Variants in TCEA1 observed in about 807,000 individuals in gnomAD.
TCEA1 encodes transcription elongation factor A1.
In TCEA1, 21 loss-of-function variants were observed where a neutral mutation model predicts 43.8. The ratio of observed to expected loss-of-function variants is 0.48; its 90% CI spans 0.34 to 0.69. TCEA1 has a LOEUF of 0.69. TCEA1 is among the 30% of genes least tolerant of loss of function. The pLI is 0.01. For missense variants in TCEA1, 250 were observed against 365.1 expected (o/e 0.68, Z 2.57); for synonymous variants, 104 against 117.5 (o/e 0.88, Z 0.75).
chr8:54,004,781 T>TA (rs1804386226), intron 2 of TCEA1, among the ~76,000 whole-genome samples: 1 of 131,662 alleles, frequency 7.6e-6, no homozygotes, highest in African/African-American at 3.4e-5. Flanking sequence ...ATAATACTGT[T>TA]TAAAAAAAAA....
At chr8:54,012,094 G>A (rs1012830862) in intron 1 of TCEA1, among the ~76,000 whole-genome samples, 4 of 152,174 alleles carry the variant, frequency 2.6e-5, no homozygotes, top group African/African-American at 9.7e-5. Flanking sequence ...ACATTGTTGT[G>A]AGTAAATGAA....
At chr8:54,016,922 C>T (rs1246785701) in intron 1 of TCEA1, among the ~76,000 whole-genome samples, 2 of 143,330 alleles carry the variant, frequency 1.4e-5, no homozygotes, top group Non-Finnish European at 3.0e-5. Context: ...TGCAGTGAGC[C>T]GAGATCGCGC....
intron 3 of TCEA1, among the ~76,000 whole-genome samples, chr8:53,999,203 C>A (rs1210040387): frequency 1.7e-5 from 2 of 114,464 alleles, no homozygotes; most frequent in Admixed American, 1.2e-4. Context: ...CCAGCCTGGG[C>A]AACAGAGTGA....
At chr8:54,013,291 C>T (rs1046772873) in intron 1 of TCEA1, among the ~76,000 whole-genome samples, 3 of 152,186 alleles carry the variant, frequency 2.0e-5, no homozygotes, top group African/African-American at 7.2e-5. Flanking sequence ...GTAACACTCA[C>T]GGAATAAAAC....
chr8:54,003,112 A>G (rs1474913271), intron 2 of TCEA1: 2 of 456,192 alleles, frequency 4.4e-6, no homozygotes, highest in Non-Finnish European at 8.8e-6. Context: ...AAAAACATAT[A>G]GCTACTGTAC....
At chr8:54,007,721 C>A (rs1199139616) in intron 2 of TCEA1, among the ~76,000 whole-genome samples, 1 of 152,056 alleles carries the variant, frequency 6.6e-6, no homozygotes, top group Non-Finnish European at 1.5e-5. Context: ...TGTTCACACA[C>A]CCCCACCACC....
intron 1 of TCEA1, among the ~76,000 whole-genome samples, chr8:54,020,125 G>C (rs1252406712): frequency 6.6e-6 from 1 of 152,088 alleles, no homozygotes; most frequent in African/African-American, 2.4e-5. Context: ...ACAAAATCAA[G>C]CAAACATCTA....
intron 4 of TCEA1, among the ~76,000 whole-genome samples, chr8:53,989,381 T>G (rs2129304242): frequency 6.6e-6 from 1 of 152,366 alleles, no homozygotes; most frequent in South Asian, 2.1e-4. Context: ...TTTCAAAGAC[T>G]GATTAAATCA....
rs537284730 is a variant in TCEA1, at chr8:53,972,123, A to G, written c.826-1660T>C. Reference sequence around the variant, plus strand: ...AGAAATGCAACCAGTGGTTCCATCCATAACGGCAAGTGGCAGTGATGGTTA... The same window carrying G: ...AGAAATGCAACCAGTGGTTCCATCCGTAACGGCAAGTGGCAGTGATGGTTA... On this transcript the variant is annotated intron_variant, in intron 8 of 9. Coordinates refer to ENST00000521604, the MANE Select transcript of TCEA1 (RefSeq NM_006756.4). 10 of 292,180 alleles carry G rather than the reference A, an allele frequency of 3.4e-5. No homozygotes were observed. In the East Asian group the frequency reaches 7.8e-4, roughly 23 times the overall value. 18.1% of individuals were successfully genotyped at this position (292,180 alleles called of 1,614,324 possible).
intron 2 of TCEA1, 152 bp downstream of exon 2, chr8:54,010,278 T>C (rs1373119672): frequency 6.5e-6 from 4 of 614,492 alleles, no homozygotes; most frequent in Non-Finnish European, 1.1e-5. Flanking sequence ...TAGTAGATTA[T>C]TGATTTATAT....
At chr8:53,989,973 T>A (rs1803820739) in intron 4 of TCEA1, among the ~76,000 whole-genome samples, 2 of 152,142 alleles carry the variant, frequency 1.3e-5, no homozygotes, top group Admixed American at 1.3e-4. Flanking sequence ...AGCTGGCTCA[T>A]GCCTGTAATC....
chr8:53,984,240 A>G (rs1195956565), intron 7 of TCEA1, 123 bp downstream of exon 7: 13 of 912,814 alleles, frequency 1.4e-5, no homozygotes, highest in African/African-American at 3.4e-5. Context: ...GTATATAAAT[A>G]TATCAGAATA....
intron 7 of TCEA1, among the ~76,000 whole-genome samples, chr8:53,983,280 TTG>T (rs59781069): frequency 0.026 from 4,004 of 152,268 alleles, 170 homozygotes; most frequent in African/African-American, 0.091. Flanking sequence ...GTCAAAAAAT[TTG>T]TGTGACTCGT....
At chr8:54,006,837 G>T (rs1221006584) in intron 2 of TCEA1, among the ~76,000 whole-genome samples, 1 of 152,072 alleles carries the variant, frequency 6.6e-6, no homozygotes, top group Non-Finnish European at 1.5e-5. Flanking sequence ...AGAGATAGAG[G>T]AGTTCTTTTT....
At chr8:54,018,133 G>A (rs1162293437) in intron 1 of TCEA1, among the ~76,000 whole-genome samples, 1 of 152,104 alleles carries the variant, frequency 6.6e-6, no homozygotes, top group Non-Finnish European at 1.5e-5. Context: ...AAGTTTTGTT[G>A]CAGTTGTTAT....
intron 4 of TCEA1, 89 bp downstream of exon 4, chr8:53,993,579 T>A: frequency 4.1e-6 from 4 of 976,884 alleles, no homozygotes; most frequent in African/African-American, 1.7e-5. Flanking sequence ...AAAAAAGGAG[T>A]GTAAATAGGG....
intron 4 of TCEA1, among the ~76,000 whole-genome samples, chr8:53,990,417 C>T (rs1490040271): frequency 1.3e-5 from 2 of 150,070 alleles, no homozygotes; most frequent in South Asian, 4.2e-4. Context: ...GACTGGAGTG[C>T]AGTGAAACAA....
At chr8:54,017,333 C>G (rs1644329697) in intron 1 of TCEA1, among the ~76,000 whole-genome samples, 1 of 152,194 alleles carries the variant, frequency 6.6e-6, no homozygotes, top group Non-Finnish European at 1.5e-5. Flanking sequence ...AATTTTCTTT[C>G]ACCTCTGCAA....
At chr8:54,018,795 G>T (rs1253683231) in intron 1 of TCEA1, among the ~76,000 whole-genome samples, 3 of 152,136 alleles carry the variant, frequency 2.0e-5, no homozygotes, top group Non-Finnish European at 2.9e-5. Context: ...AAACACACCT[G>T]CCCCAAAACA....
Sources: gnomAD v4.1 joint callset for allele counts (sites outside exome capture counted in the v4.1 genomes callset) on GRCh38, gnomAD v4.1.1 for gene constraint, MANE v1.5 for transcripts, NCBI Gene and HGNC (gene_info 2026-07-23, HGNC 2026-07-21) for gene names.